The following MMP16 variants were observed in gnomAD, a reference collection of about 807,000 sequenced individuals.
MMP16 encodes the protein matrix metallopeptidase 16, also known as matrix metalloproteinase-16.
Under a neutral mutation model 67.8 loss-of-function variants are expected in MMP16, and 12 were observed. The ratio of observed to expected loss-of-function variants is 0.18; its 90% CI spans 0.11 to 0.29. The LOEUF is 0.29. Among genes scored for constraint, MMP16 ranks in the 10% least tolerant of loss-of-function variants. The pLI, the probability that MMP16 is intolerant of heterozygous loss-of-function variation, is 1.00. For synonymous variants in MMP16, 249 were observed against 255.9 expected, an observed-to-expected ratio of 0.97 and a Z score of 0.26; for missense variants, 475 against 765.7, an observed-to-expected ratio of 0.62 and a Z score of 4.48.
At chr8:88,220,534 C>CT (rs34093457) in intron 1 of MMP16, among the ~76,000 whole-genome samples, 26,053 of 146,836 alleles carry the variant, frequency 0.18, 2,338 homozygotes, top group South Asian at 0.2. Context: ...GTGTGCATGA[C>CT]TTTTTTTTTT....
chr8:88,276,598 T>G (rs1810652702), intron 1 of MMP16, among the ~76,000 whole-genome samples: 1 of 152,140 alleles, frequency 6.6e-6, no homozygotes, highest in African/African-American at 2.4e-5. Flanking sequence ...TTCCTTTAAA[T>G]AGGTAGGCTT....
At chr8:88,298,563 T>C (rs1811046913) in intron 1 of MMP16, among the ~76,000 whole-genome samples, 2 of 152,254 alleles carry the variant, frequency 1.3e-5, no homozygotes, top group South Asian at 4.1e-4. Flanking sequence ...ATGTAGATTC[T>C]GGAGTTCTAC....
At chr8:88,300,955 A>C (rs1171292674) in intron 1 of MMP16, among the ~76,000 whole-genome samples, 1 of 152,192 alleles carries the variant, frequency 6.6e-6, no homozygotes, top group African/African-American at 2.4e-5. Flanking sequence ...AGGAAGACAA[A>C]GTTTATAATT....
chr8:88,054,999 T>C (rs977256527), intron 8 of MMP16, among the ~76,000 whole-genome samples: 1 of 152,128 alleles, frequency 6.6e-6, no homozygotes, highest in Admixed American at 6.5e-5. Context: ...TAAGTCATCC[T>C]ACAAACAATG....
intron 1 of MMP16, among the ~76,000 whole-genome samples, chr8:88,199,796 G>A (rs1325568722): frequency 6.6e-6 from 1 of 151,732 alleles, no homozygotes; most frequent in Non-Finnish European, 1.5e-5. Context: ...GTTTTTATTT[G>A]AAGTATATCC....
intron 1 of MMP16, among the ~76,000 whole-genome samples, chr8:88,283,186 C>T (rs2129998879): frequency 6.6e-6 from 1 of 152,208 alleles, no homozygotes; most frequent in South Asian, 2.1e-4. Flanking sequence ...TACATTGATT[C>T]CATTTAACTG....
At chr8:88,194,348 T>G (rs1281430646) in intron 2 of MMP16, among the ~76,000 whole-genome samples, 6 of 152,066 alleles carry the variant, frequency 3.9e-5, no homozygotes, top group Non-Finnish European at 5.9e-5. Flanking sequence ...AATTTGGATC[T>G]ATAACTATAG....
intron 1 of MMP16, among the ~76,000 whole-genome samples, chr8:88,294,451 CAT>C (rs1213148963): frequency 6.7e-5 from 10 of 148,534 alleles, no homozygotes; most frequent in East Asian, 2.0e-4. Flanking sequence ...TATATACACA[CAT>C]ATGCATGTCT....
intron 1 of MMP16, among the ~76,000 whole-genome samples, chr8:88,203,480 A>G (rs1289011693): frequency 1.3e-5 from 2 of 152,162 alleles, no homozygotes; most frequent in African/African-American, 4.8e-5. Context: ...CTAATATAAG[A>G]AGAAATAAAC....
intron 1 of MMP16, among the ~76,000 whole-genome samples, chr8:88,205,839 G>C (rs1809417014): frequency 6.6e-6 from 1 of 152,126 alleles, no homozygotes. Flanking sequence ...TCCAGACTCT[G>C]AGATCACACT....
At chr8:88,222,361 G>C (rs1809696860) in intron 1 of MMP16, among the ~76,000 whole-genome samples, 1 of 151,950 alleles carries the variant, frequency 6.6e-6, no homozygotes, top group African/African-American at 2.4e-5. Flanking sequence ...AGTTCATATG[G>C]AACCAAAAAA....
chr8:88,139,042 T>G (rs1808168823), intron 4 of MMP16, among the ~76,000 whole-genome samples: 1 of 152,168 alleles, frequency 6.6e-6, no homozygotes, highest in Non-Finnish European at 1.5e-5. Context: ...AATGTTTTTC[T>G]GCTAAATTAT....
chr8:88,230,866 A>G (rs1364140403), intron 1 of MMP16, among the ~76,000 whole-genome samples: 2 of 152,156 alleles, frequency 1.3e-5, no homozygotes, highest in Non-Finnish European at 2.9e-5. Context: ...AGTCATATGA[A>G]GTTGCATATA....
chr8:88,077,626 A>T (rs1308668483), intron 6 of MMP16, among the ~76,000 whole-genome samples: 1 of 152,320 alleles, frequency 6.6e-6, no homozygotes, highest in East Asian at 1.9e-4. Context: ...CCAGAAAAGG[A>T]CCTTACACAT....
Position 88,037,592 on chromosome 8 carries a change from G to A in MMP16, c.*3869C>T, listed in dbSNP as rs1808071608. The A allele has an allele frequency of 6.6e-6, 1 of 151,842 alleles. No homozygotes were observed. The highest frequency in any genetic ancestry group is 1.5e-5 in the Non-Finnish European group (1 of 67,838). 9.4% of individuals were successfully genotyped at this position (151,842 alleles called of 1,614,324 possible). A position where few individuals can be genotyped will look rare whatever the true frequency, so the allele number is the denominator to read the frequency against. Reference sequence around the variant, plus strand: ...TCTATAACCTTTGCAATCAGAAAGAGCATCTGTATTCACCTGCTCTGACTG... The same window carrying A: ...TCTATAACCTTTGCAATCAGAAAGAACATCTGTATTCACCTGCTCTGACTG... On this transcript the variant is annotated 3_prime_UTR_variant, in exon 10 of 10. Coordinates refer to ENST00000286614, the MANE Select transcript of MMP16 (RefSeq NM_005941.5).
At chr8:88,273,809 A>G (rs1166839932) in intron 1 of MMP16, among the ~76,000 whole-genome samples, 1 of 152,176 alleles carries the variant, frequency 6.6e-6, no homozygotes, top group African/African-American at 2.4e-5. Context: ...TTATATGTCA[A>G]TGGAAACAAC....
intron 3 of MMP16, among the ~76,000 whole-genome samples, chr8:88,176,229 T>C (rs866006256): frequency 3.8e-4 from 58 of 152,212 alleles, no homozygotes; most frequent in African/African-American, 1.4e-3. Flanking sequence ...TGTTTATCAA[T>C]GACCTGAAAG....
At chr8:88,138,046 A>G (rs546576309) in intron 4 of MMP16, among the ~76,000 whole-genome samples, 1 of 152,140 alleles carries the variant, frequency 6.6e-6, no homozygotes, top group Non-Finnish European at 1.5e-5. Flanking sequence ...TGTCACAATT[A>G]TTTTAAAGAC....
At chr8:88,269,050 A>G (rs1810523988) in intron 1 of MMP16, among the ~76,000 whole-genome samples, 1 of 152,128 alleles carries the variant, frequency 6.6e-6, no homozygotes. Flanking sequence ...TTTTATATAT[A>G]ACAGACAGTA....
Sources: allele counts gnomAD v4.1 joint callset (sites outside exome capture counted in the v4.1 genomes callset), GRCh38; gene constraint gnomAD v4.1.1; transcripts MANE v1.5; gene names NCBI Gene and HGNC (gene_info 2026-07-23, HGNC 2026-07-21).